Variants in PRIM2 observed in about 807,000 individuals in gnomAD.
PRIM2 encodes DNA primase subunit 2.
In PRIM2, 39 loss-of-function variants were observed where a neutral mutation model predicts 67.3. The observed-to-expected ratio is 0.58, with a 90% CI of 0.45 to 0.76. PRIM2 has a LOEUF of 0.76. Ranked by LOEUF, PRIM2 falls within the 30% of genes least tolerant of loss-of-function variation. The pLI, the probability that PRIM2 is intolerant of heterozygous loss-of-function variation, is 0.00. For synonymous variants in PRIM2, 143 were observed against 198.7 expected (o/e 0.72, Z 2.36); for missense variants, 398 against 598.7 (o/e 0.66, Z 3.50).
At chr6:57,544,516 GT>G (rs1349276337) in intron 10 of PRIM2, among the ~76,000 whole-genome samples, 1 of 152,126 alleles carries the variant, frequency 6.6e-6, no homozygotes, top group African/African-American at 2.4e-5. Flanking sequence ...TCCTATATAT[GT>G]AAAAATTAGC....
At chr6:57,269,563 T>C in the PRIM2 span, among the ~76,000 whole-genome samples, 8,934 of 152,218 alleles carry the variant, frequency 0.059, 590 homozygotes, top group African/African-American at 0.16. Flanking sequence ...GCAAAAATTT[T>C]CTCCCATTCT....
intron 9 of PRIM2, among the ~76,000 whole-genome samples, chr6:57,535,202 A>G (rs1406045290): frequency 6.6e-6 from 1 of 152,174 alleles, no homozygotes; most frequent in Non-Finnish European, 1.5e-5. Context: ...CTTTGGCTAC[A>G]TGGCATGTGC....
At chr6:57,333,292 G>C (rs1768117644) in intron 5 of PRIM2, among the ~76,000 whole-genome samples, 1 of 152,078 alleles carries the variant, frequency 6.6e-6, no homozygotes, top group South Asian at 2.1e-4. Flanking sequence ...GTTTGCCTTG[G>C]TATACAGGCA....
chr6:57,554,780 T>G (rs1452784385), intron 10 of PRIM2, among the ~76,000 whole-genome samples: 1 of 152,196 alleles, frequency 6.6e-6, no homozygotes, highest in East Asian at 1.9e-4. Context: ...TACTTCATGG[T>G]TTTTTCCTTC....
At chr6:57,557,517 A>G (rs1479001613) in intron 10 of PRIM2, among the ~76,000 whole-genome samples, 1 of 152,216 alleles carries the variant, frequency 6.6e-6, no homozygotes, top group African/African-American at 2.4e-5. Context: ...TAATGCAGGA[A>G]CAGAAAATCA....
chr6:57,578,985 C>T (rs1482515163), intron 10 of PRIM2, among the ~76,000 whole-genome samples: 1 of 152,120 alleles, frequency 6.6e-6, no homozygotes, highest in Admixed American at 6.5e-5. Context: ...CCACCTCCTT[C>T]CTTCTTTTGA....
At chr6:57,474,173 CTTTTTTTTTTT>C (rs1158188964) in intron 7 of PRIM2, among the ~76,000 whole-genome samples, 33 of 63,966 alleles carry the variant, frequency 5.2e-4, no homozygotes, top group Admixed American at 2.3e-3. Flanking sequence ...ATTCTGCTAT[CTTTTTTTTTTT>C]TTTTTTTTTT....
intron 7 of PRIM2, among the ~76,000 whole-genome samples, chr6:57,454,871 T>C (rs1368003864): frequency 3.0e-4 from 46 of 152,324 alleles, no homozygotes; most frequent in African/African-American, 1.0e-3. Flanking sequence ...CTTTTAATTG[T>C]GATGTTAGGG....
At chr6:57,381,841 G>A (rs1451564549) in intron 6 of PRIM2, 190 bp from the exon 7 acceptor site, 18 of 243,750 alleles carry the variant, frequency 7.4e-5, no homozygotes, top group South Asian at 1.5e-4. Flanking sequence ...ACTCTGAAAC[G>A]AACATATTTT....
At chr6:57,262,250 T>C in the PRIM2 span, among the ~76,000 whole-genome samples, 1 of 152,316 alleles carries the variant, frequency 6.6e-6, no homozygotes. Context: ...AAGGGGATAA[T>C]GATGAATTTC....
chr6:57,250,639 A>G, the PRIM2 span, among the ~76,000 whole-genome samples: 5 of 152,194 alleles, frequency 3.3e-5, no homozygotes, highest in Admixed American at 1.3e-4. Context: ...AACAAGGAGT[A>G]AAATAATTGC....
chr6:57,542,918 G>A (rs1775192700), intron 10 of PRIM2, among the ~76,000 whole-genome samples: 1 of 140,340 alleles, frequency 7.1e-6, no homozygotes, highest in Admixed American at 7.4e-5. Context: ...AAAATTGTTG[G>A]CTTAAAATAC....
chr6:57,363,480 A>G (rs1340346593), intron 5 of PRIM2, among the ~76,000 whole-genome samples: 1 of 152,200 alleles, frequency 6.6e-6, no homozygotes, highest in Admixed American at 6.5e-5. Context: ...CAAAGAAGAA[A>G]TAAGAGATTG....
intron 8 of PRIM2, among the ~76,000 whole-genome samples, chr6:57,520,646 A>G (rs1448594267): frequency 3.3e-4 from 50 of 152,326 alleles, no homozygotes; most frequent in African/African-American, 1.1e-3. Context: ...TTTAAAATCA[A>G]TTTTATTGAG....
chr6:57,311,893 G>A (rs1040328553), upstream of PRIM2, among the ~76,000 whole-genome samples: 2 of 151,966 alleles, frequency 1.3e-5, no homozygotes, highest in East Asian at 1.9e-4. Context: ...CAGGAGTGGC[G>A]GCGCGTGCCT....
chr6:57,523,838 A>G (rs1774682012), intron 8 of PRIM2, among the ~76,000 whole-genome samples: 1 of 152,208 alleles, frequency 6.6e-6, no homozygotes, highest in Non-Finnish European at 1.5e-5. Flanking sequence ...CCTGTTGAGT[A>G]CCTAAGTGCT....
chr6:57,518,661 G>A (rs1774539021), intron 8 of PRIM2, among the ~76,000 whole-genome samples: 1 of 151,988 alleles, frequency 6.6e-6, no homozygotes, highest in African/African-American at 2.4e-5. Flanking sequence ...TGAATGAGAT[G>A]GTAATTTGGA....
intron 7 of PRIM2, among the ~76,000 whole-genome samples, chr6:57,412,542 A>C (rs1478138877): frequency 2.0e-5 from 3 of 151,724 alleles, no homozygotes; most frequent in African/African-American, 7.3e-5. Context: ...ATACTACTTC[A>C]GTTTGTACTT....
At chr6:57,640,335 G>A (rs1777208302) in intron 13 of PRIM2, among the ~76,000 whole-genome samples, 1 of 152,174 alleles carries the variant, frequency 6.6e-6, no homozygotes, top group African/African-American at 2.4e-5. Context: ...ACAAGACAAG[G>A]ATGCCCTCTC....
Sources: gnomAD v4.1 joint callset for allele counts (sites outside exome capture counted in the v4.1 genomes callset) on GRCh38, gnomAD v4.1.1 for gene constraint, MANE v1.5 for transcripts, NCBI Gene and HGNC (gene_info 2026-07-23, HGNC 2026-07-21) for gene names.